Variants in TM7SF3 observed in about 807,000 individuals in gnomAD.
TM7SF3 encodes the protein seven span transmembrane protein.
A neutral mutation model predicts 65.5 loss-of-function variants in TM7SF3; 60 were observed. The observed-to-expected ratio is 0.92, with a 90% CI of 0.74 to 1.14. TM7SF3 has a LOEUF of 1.14. Among genes scored for constraint, TM7SF3 ranks in the 50% most tolerant of loss-of-function variants. The pLI is 0.00. For synonymous variants in TM7SF3, 264 were observed against 259.6 expected, an observed-to-expected ratio of 1.02 and a Z score of -0.16; for missense variants, 623 against 684.8, an observed-to-expected ratio of 0.91 and a Z score of 1.01.
At chr12:26,987,799 AAGGAAC>A (rs2136403084) in intron 6 of TM7SF3, among the ~76,000 whole-genome samples, 1 of 152,342 alleles carries the variant, frequency 6.6e-6, no homozygotes, top group South Asian at 2.1e-4. Flanking sequence ...CACTTAAAAA[AAGGAAC>A]AGTTACTTCA....
chr12:27,007,483 A>G (rs1941084336), intron 1 of TM7SF3, among the ~76,000 whole-genome samples: 2 of 152,162 alleles, frequency 1.3e-5, no homozygotes, highest in South Asian at 4.1e-4. Context: ...AAGAAATTAT[A>G]ATACAGTGAT....
intron 7 of TM7SF3, among the ~76,000 whole-genome samples, chr12:26,981,981 C>T (rs117186174): frequency 0.012 from 1,852 of 151,964 alleles, 27 homozygotes; most frequent in Non-Finnish European, 0.019. Context: ...CATGTGAAAC[C>T]AAGTCAATCG....
At chr12:26,987,268 T>C (rs1032997179) in intron 6 of TM7SF3, among the ~76,000 whole-genome samples, 1 of 152,190 alleles carries the variant, frequency 6.6e-6, no homozygotes, top group African/African-American at 2.4e-5. Context: ...AAATGCTCAA[T>C]AGGGTTCTCA....
intron 9 of TM7SF3, chr12:26,979,552 T>C (rs1038063783): frequency 9.2e-6 from 5 of 543,612 alleles, no homozygotes; most frequent in South Asian, 2.4e-5. Context: ...TCACAACAAA[T>C]AGATACAAAG....
chr12:26,986,111 A>T (rs1164636309), intron 6 of TM7SF3, among the ~76,000 whole-genome samples: 1 of 151,658 alleles, frequency 6.6e-6, no homozygotes, highest in Non-Finnish European at 1.5e-5. Context: ...TACAGGCGTG[A>T]GCCACCGCAC....
At chr12:26,996,631 T>G in intron 4 of TM7SF3, 111 bp downstream of exon 4, 1 of 1,143,166 alleles carries the variant, frequency 8.7e-7, no homozygotes, top group Non-Finnish European at 1.2e-6. Context: ...CCCCAAAAAT[T>G]AACTCAATTT....
Position 26,973,247 on chromosome 12 carries a change from C to T in TM7SF3, c.*718G>A, listed in dbSNP as rs1260213170. ...CTGGAGTGCAGTGACACAATCAAGG[C>T]TCACTGTAGCCTCAATCTTCAGGGC... is the stretch of plus-strand genomic sequence containing the variant. On this transcript the variant is annotated 3_prime_UTR_variant, in exon 12 of 12. Transcript: ENST00000343028. 1 of 151,634 alleles carries T rather than the reference C, an allele frequency of 6.6e-6. No homozygotes were observed. The highest frequency in any genetic ancestry group is 1.5e-5 in the Non-Finnish European group (1 of 67,978). The allele number at this position is 151,634 out of a possible 1,614,324, so 9.4% of individuals were successfully genotyped here. A position where few individuals can be genotyped will look rare whatever the true frequency, so the allele number is the denominator to read the frequency against.
chr12:26,982,671 A>G, intron 7 of TM7SF3, 102 bp downstream of exon 7: 2 of 725,454 alleles, frequency 2.8e-6, no homozygotes, highest in Non-Finnish European at 4.4e-6. Flanking sequence ...AAATCTATGA[A>G]GATAGTAGAG....
intron 6 of TM7SF3, among the ~76,000 whole-genome samples, chr12:26,986,952 T>C (rs1412718840): frequency 4.6e-5 from 7 of 152,168 alleles, no homozygotes; most frequent in African/African-American, 1.4e-4. Flanking sequence ...ATCACTTTCC[T>C]TTTACCAATC....
chr12:26,974,270 T>C (rs1939479418), intron 11 of TM7SF3, 43 bp from the exon 12 acceptor site: 1 of 1,577,272 alleles, frequency 6.3e-7, no homozygotes, highest in Non-Finnish European at 8.6e-7. Flanking sequence ...TCTAGTATTT[T>C]AAAATCTAAC....
At chr12:27,011,456 C>T (rs1441738598) in intron 1 of TM7SF3, among the ~76,000 whole-genome samples, 1 of 152,230 alleles carries the variant, frequency 6.6e-6, no homozygotes, top group East Asian at 1.9e-4. Context: ...CCTCCTCAGA[C>T]ATTCTAGGAA....
At chr12:27,013,022 GAAATCATC>G (rs1233808800) in intron 1 of TM7SF3, 1 of 227,074 alleles carries the variant, frequency 4.4e-6, no homozygotes, top group African/African-American at 2.5e-5. Flanking sequence ...AAAGTCACCT[GAAATCATC>G]AAAAATGGTG....
At position 26,979,782 on chromosome 12, in the gene TM7SF3, A is replaced by G. The variant is rs1346327226; in HGVS notation, c.1189+2T>C. ...ACAAAACATCTGTTACATATCGCCT[A>G]CCCAGTGGAGTAAAGAAAGTCACTG... On this transcript the variant is annotated splice_donor_variant, in intron 9 of 11. Transcript: ENST00000343028. LOFTEE classifies it high-confidence loss of function. 1 of 1,613,934 alleles carries G rather than the reference A, an allele frequency of 6.2e-7. No homozygotes were observed. Among genetic ancestry groups the G allele is most frequent in the Non-Finnish European group, 8.5e-7 (1 of 1,179,908 alleles).
chr12:27,011,483 C>G (rs1384432726), intron 1 of TM7SF3, among the ~76,000 whole-genome samples: 2 of 152,184 alleles, frequency 1.3e-5, no homozygotes, highest in Non-Finnish European at 2.9e-5. Context: ...CTGCCACGTT[C>G]CAAGATTTAT....
chr12:27,006,380 G>A (rs1195144407), intron 1 of TM7SF3, among the ~76,000 whole-genome samples: 2 of 151,476 alleles, frequency 1.3e-5, no homozygotes, highest in African/African-American at 4.9e-5. Flanking sequence ...CTCGTGATCC[G>A]CCCACCTGGG....
intron 3 of TM7SF3, among the ~76,000 whole-genome samples, 156 bp from the exon 4 acceptor site, chr12:26,997,018 G>A (rs1439373171): frequency 6.6e-6 from 1 of 152,176 alleles, no homozygotes; most frequent in East Asian, 1.9e-4. Context: ...CATGAACTGA[G>A]GTTAAAGAGG....
intron 6 of TM7SF3, among the ~76,000 whole-genome samples, chr12:26,983,146 A>G (rs1021609237): frequency 2.0e-5 from 3 of 151,368 alleles, no homozygotes; most frequent in Non-Finnish European, 2.9e-5. Flanking sequence ...GGTAAAGTGG[A>G]GAGAAACAGA....
rs548481046 is a variant in TM7SF3, at chr12:26,976,691, T to C, written c.1190-334A>G. Among the ~76,000 whole-genome samples, 75 of 152,300 alleles carry C rather than the reference T, an allele frequency of 4.9e-4. 2 individuals carry two copies. The South Asian group carries it at 0.015, about 30-fold the overall frequency. ...AGTTTCCTAACCCTCAAAATGACAT[T>C]GAATTATATCTCCAAGCTCTAAATC... On this transcript the variant is annotated intron_variant, in intron 9 of 11. Transcript: ENST00000343028.
intron 3 of TM7SF3, 143 bp from the exon 4 acceptor site, chr12:26,997,005 T>C (rs980790700): frequency 2.0e-5 from 19 of 972,790 alleles, no homozygotes; most frequent in Admixed American, 3.2e-5. Context: ...TCGTATACTA[T>C]TTCATGAACT....
Sources: gnomAD v4.1 joint callset for allele counts (sites outside exome capture counted in the v4.1 genomes callset) on GRCh38, gnomAD v4.1.1 for gene constraint, MANE v1.5 for transcripts, NCBI Gene and HGNC (gene_info 2026-07-23, HGNC 2026-07-21) for gene names.